CCDC30: variants seen among roughly 807,000 people sequenced by gnomAD.
CCDC30 encodes the protein coiled-coil domain-containing protein 30.
A neutral mutation model predicts 100.2 loss-of-function variants in CCDC30; 70 were observed. The ratio of observed to expected loss-of-function variants is 0.70; its 90% CI spans 0.58 to 0.85. CCDC30 has a LOEUF of 0.85. CCDC30 is among the 40% of genes least tolerant of loss of function. The pLI is 0.00. For synonymous variants in CCDC30, 233 were observed against 269.5 expected (o/e 0.86, Z 1.33); for missense variants, 652 against 771.2 (o/e 0.85, Z 1.83).
At chr1:42,557,277 T>C (rs1032245549) in intron 6 of CCDC30, among the ~76,000 whole-genome samples, 3 of 152,084 alleles carry the variant, frequency 2.0e-5, no homozygotes, top group Admixed American at 6.5e-5. Flanking sequence ...TCACAGTAAA[T>C]GGGGAAAATA....
intron 6 of CCDC30, among the ~76,000 whole-genome samples, chr1:42,556,682 G>C (rs79073738): frequency 6.6e-6 from 1 of 152,086 alleles, no homozygotes; most frequent in Non-Finnish European, 1.5e-5. Context: ...ATATACATTT[G>C]TGAGCAATAT....
At chr1:42,648,168 G>A (rs1447942834) in intron 15 of CCDC30, among the ~76,000 whole-genome samples, 1 of 151,996 alleles carries the variant, frequency 6.6e-6, no homozygotes, top group Non-Finnish European at 1.5e-5. Context: ...TGGAACTCCC[G>A]ACCTCAGGTG....
chr1:42,456,758 C>G, the CCDC30 span: 1 of 1,611,618 alleles, frequency 6.2e-7, no homozygotes, highest in African/African-American at 1.3e-5. Flanking sequence ...CAGCGGGCGG[C>G]GCGGTGCAAC....
intron 6 of CCDC30, among the ~76,000 whole-genome samples, chr1:42,520,736 G>A (rs191084439): frequency 6.9e-6 from 1 of 145,978 alleles, no homozygotes; most frequent in South Asian, 2.2e-4. Flanking sequence ...TGCCTCCTGG[G>A]TTCATGCCAT....
chr1:42,457,245 A>G, the CCDC30 span: 3 of 1,613,902 alleles, frequency 1.9e-6, no homozygotes, highest in Non-Finnish European at 2.5e-6. Flanking sequence ...TTCTCTTTGC[A>G]GGCCCTTCTG....
chr1:42,552,935 G>A (rs1476711905), intron 6 of CCDC30, among the ~76,000 whole-genome samples: 1 of 151,936 alleles, frequency 6.6e-6, no homozygotes, highest in Non-Finnish European at 1.5e-5. Flanking sequence ...TTTATTATTC[G>A]GCAGGGATAA....
intron 4 of CCDC30, 116 bp from the exon 5 acceptor site, chr1:42,496,982 A>G (rs1437944245): frequency 2.3e-6 from 1 of 431,764 alleles, no homozygotes. Flanking sequence ...ATGCAGAGAC[A>G]TGGTAGGACT....
At chr1:42,493,610 A>G (rs1297560688) in intron 4 of CCDC30, among the ~76,000 whole-genome samples, 1 of 152,028 alleles carries the variant, frequency 6.6e-6, no homozygotes. Context: ...AATCAACAAA[A>G]CTAAAGACAG....
At chr1:42,470,684 G>A (rs973097876) in intron 1 of CCDC30, among the ~76,000 whole-genome samples, 4 of 152,184 alleles carry the variant, frequency 2.6e-5, no homozygotes, top group African/African-American at 9.7e-5. Flanking sequence ...ACATTATGCT[G>A]CATGAAATAA....
intron 6 of CCDC30, chr1:42,510,134 G>C (rs148986811): frequency 0.018 from 17,767 of 983,860 alleles, 192 homozygotes; most frequent in Admixed American, 0.032. Context: ...TTGCATTTGA[G>C]GGTTTCAATT....
At chr1:42,511,392 C>G (rs1644475343) in intron 6 of CCDC30, among the ~76,000 whole-genome samples, 1 of 152,128 alleles carries the variant, frequency 6.6e-6, no homozygotes, top group Admixed American at 6.5e-5. Context: ...AGAAAGGGTA[C>G]TAGATTGAAC....
intron 4 of CCDC30, among the ~76,000 whole-genome samples, chr1:42,493,757 T>C (rs958916756): frequency 2.6e-5 from 4 of 152,164 alleles, no homozygotes; most frequent in Non-Finnish European, 4.4e-5. Context: ...AGAATAATTC[T>C]ACACAATAAA....
At chr1:42,600,884 T>C (rs6695792) in intron 10 of CCDC30, among the ~76,000 whole-genome samples, 96,152 of 150,982 alleles carry the variant, frequency 0.64, 30,824 homozygotes, top group South Asian at 0.71. Context: ...CCCCACTCAC[T>C]GTGGTAAGAC....
chr1:42,498,363 T>C (rs910999836), intron 5 of CCDC30, among the ~76,000 whole-genome samples: 3 of 152,166 alleles, frequency 2.0e-5, no homozygotes, highest in Non-Finnish European at 4.4e-5. Context: ...GTGGTGATGG[T>C]TGCACAACAG....
At chr1:42,457,038 T>A in the CCDC30 span, 1 of 1,600,546 alleles carries the variant, frequency 6.2e-7, no homozygotes. Flanking sequence ...TATTTGCATC[T>A]GTTGCAGGCT....
At chr1:42,631,118 C>A (rs1052295049) in intron 11 of CCDC30, among the ~76,000 whole-genome samples, 5 of 152,096 alleles carry the variant, frequency 3.3e-5, no homozygotes, top group Admixed American at 3.3e-4. Flanking sequence ...TTGGGAAGAC[C>A]TTCCAGATAT....
intron 6 of CCDC30, among the ~76,000 whole-genome samples, chr1:42,544,551 G>C (rs1645083220): frequency 6.6e-6 from 1 of 152,118 alleles, no homozygotes; most frequent in Non-Finnish European, 1.5e-5. Flanking sequence ...GTCTCACTCT[G>C]TCATATAGGC....
chr1:42,601,050 C>T (rs140015970), intron 10 of CCDC30, among the ~76,000 whole-genome samples: 520 of 152,144 alleles, frequency 3.4e-3, no homozygotes, highest in African/African-American at 0.012. Flanking sequence ...TGTGTGAGAA[C>T]GGACTAATAC....
chr1:42,473,209 G>C, intron 1 of CCDC30: 2 of 1,231,362 alleles, frequency 1.6e-6, no homozygotes, highest in African/African-American at 1.6e-5. Context: ...ACTCTGTTTG[G>C]TGCTTATTCC....
Sources: allele counts gnomAD v4.1 joint callset (sites outside exome capture counted in the v4.1 genomes callset), GRCh38; gene constraint gnomAD v4.1.1; transcripts MANE v1.5; gene names NCBI Gene and HGNC (gene_info 2026-07-23, HGNC 2026-07-21).